MID1: variants seen among roughly 807,000 people sequenced by gnomAD.
MID1 encodes the protein E3 ubiquitin-protein ligase Midline-1.
MID1 carries 7 observed loss-of-function variants against 40.4 expected under a neutral mutation model. The ratio of observed to expected loss-of-function variants is 0.17; its 90% CI spans 0.10 to 0.33. The LOEUF is 0.33. MID1 is among the 10% of genes least tolerant of loss of function. MID1 has a pLI of 1.00. For synonymous variants in MID1, 229 were observed against 221.2 expected (o/e 1.04, Z -0.31); for missense variants, 367 against 558.5 (o/e 0.66, Z 3.46).
At chrX:10,526,859 G>A (rs1932844432) in intron 2 of MID1, among the ~76,000 whole-genome samples, 1 of 111,558 alleles carries the variant, frequency 9.0e-6, no homozygotes, top group African/African-American at 3.3e-5. Flanking sequence ...AATTAAGCTG[G>A]GAGAGAGACT....
At chrX:10,670,738 T>A (rs182837983) in intron 1 of MID1, among the ~76,000 whole-genome samples, 1 of 112,345 alleles carries the variant, frequency 8.9e-6, no homozygotes, top group Non-Finnish European at 1.9e-5. Context: ...TGCCATTATT[T>A]TATAGTGTTG....
chrX:10,762,106 T>C (rs1230593241), intron 1 of MID1, among the ~76,000 whole-genome samples: 2 of 112,008 alleles, frequency 1.8e-5, no homozygotes, highest in Non-Finnish European at 3.8e-5. Context: ...GGATAAAGTA[T>C]GTGATCTACC....
chrX:10,823,121 AC>A (rs1455200046), intron 1 of MID1, among the ~76,000 whole-genome samples: 4 of 112,044 alleles, frequency 3.6e-5, no homozygotes, highest in Non-Finnish European at 5.6e-5. Flanking sequence ...GTGCATATAC[AC>A]CATGGAATAC....
intron 1 of MID1, among the ~76,000 whole-genome samples, chrX:10,721,931 A>C (rs769219057): frequency 6.3e-5 from 7 of 110,775 alleles, no homozygotes; most frequent in Non-Finnish European, 9.4e-5. Context: ...AGAAAGAAGA[A>C]GACGACCTTC....
intron 1 of MID1, among the ~76,000 whole-genome samples, chrX:10,754,856 T>G (rs1022424799): frequency 8.9e-6 from 1 of 112,294 alleles, no homozygotes; most frequent in Non-Finnish European, 1.9e-5. Flanking sequence ...ATTCTTATTT[T>G]TATTGTTTTG....
chrX:10,488,219 A>G (rs1930729214), intron 4 of MID1, among the ~76,000 whole-genome samples: 1 of 110,971 alleles, frequency 9.0e-6, no homozygotes, highest in African/African-American at 3.3e-5. Flanking sequence ...CTGAGCTCAA[A>G]GCAATCCACC....
Position 10,697,739 on chromosome X carries a change from G to A in MID1, c.-186-77320C>T, listed in dbSNP as rs1024358345. 4.2e-4 allele frequency among the ~76,000 whole-genome samples: 47 copies of A among 111,563 alleles called. 1 individual carries two copies. The highest frequency in any genetic ancestry group is 1.4e-3 in the African/African-American group (43 of 30,649). On this transcript the variant is annotated intron_variant, in intron 1 of 10. Transcript: ENST00000380785. ...GTTGGGCAGCAGGGGGTGGCTGTGT[G>A]CTGACATGTGGTGTATGGTGATTGA...
At chrX:10,548,673 G>A (rs1933792458) in intron 2 of MID1, among the ~76,000 whole-genome samples, 2 of 111,681 alleles carry the variant, frequency 1.8e-5, no homozygotes, top group Admixed American at 9.5e-5. Context: ...ATTTTTATGA[G>A]TGTACTTTGG....
rs189907615 is a variant in MID1, at chrX:10,453,695, C to T, written c.1655+1175G>A. Among the ~76,000 whole-genome samples, 38 of 111,854 alleles carry T rather than the reference C, an allele frequency of 3.4e-4. No individual in the cohort carries two copies. The East Asian group carries it at 9.6e-3, about 28-fold the overall frequency. ...TGCTTTCCCACTACAACAGAAGAGTCGAGTATTAGTGACAAAAATCATTTG... is the reference window on the plus strand; with the variant it reads ...TGCTTTCCCACTACAACAGAAGAGTTGAGTATTAGTGACAAAAATCATTTG... On this transcript the variant is annotated intron_variant, in intron 9 of 9. Transcript: ENST00000317552.
At chrX:10,464,115 G>A (rs1017152137) in intron 7 of MID1, among the ~76,000 whole-genome samples, 1 of 111,660 alleles carries the variant, frequency 9.0e-6, no homozygotes, top group Admixed American at 9.5e-5. Context: ...GCATCTATGC[G>A]TTAAAGGCTG....
intron 1 of MID1, among the ~76,000 whole-genome samples, chrX:10,655,966 G>A (rs1406119432): frequency 9.0e-6 from 1 of 111,430 alleles, no homozygotes; most frequent in Non-Finnish European, 1.9e-5. Context: ...GCTAATTGCT[G>A]ACCCACAGAA....
chrX:10,446,659 G>A lies in MID1; in HGVS notation c.*2709C>T, dbSNP rs1216549073. Reference sequence around the variant, plus strand: ...TTTCTGAGTTCTTTTATGAGCACTCGCTATGTAATTTGCAAGGCCCAGTGC... The same window carrying A: ...TTTCTGAGTTCTTTTATGAGCACTCACTATGTAATTTGCAAGGCCCAGTGC... On this transcript the variant is annotated 3_prime_UTR_variant, in exon 10 of 10. Coordinates refer to ENST00000317552, the MANE Select transcript of MID1 (RefSeq NM_000381.4). The A allele has an allele frequency of 8.9e-6, 1 of 111,936 alleles. No individual in the cohort carries two copies. Among genetic ancestry groups the A allele is most frequent in the Non-Finnish European group, 1.9e-5 (1 of 53,229 alleles). The allele number at this position is 111,936 out of a possible 1,213,427, so 9.2% of individuals were successfully genotyped here.
At chrX:10,629,367 T>A (rs2147554452) in intron 1 of MID1, among the ~76,000 whole-genome samples, 1 of 110,426 alleles carries the variant, frequency 9.1e-6, no homozygotes, top group South Asian at 4.0e-4. Context: ...CTGGCTATTT[T>A]TTTTTTCTTT....
At chrX:10,492,111 G>T (rs777693066) in intron 4 of MID1, among the ~76,000 whole-genome samples, 3 of 110,195 alleles carry the variant, frequency 2.7e-5, no homozygotes, top group African/African-American at 9.9e-5. Flanking sequence ...TTCTTTTGTG[G>T]CTTCACTTTT....
intron 6 of MID1, among the ~76,000 whole-genome samples, chrX:10,472,825 AAAG>A (rs1436449528): frequency 1.8e-5 from 2 of 111,995 alleles, no homozygotes; most frequent in Non-Finnish European, 3.8e-5. Context: ...GAGGAGGAAA[AAAG>A]AAAGAGCCTG....
chrX:10,676,414 C>T (rs2043023565), intron 1 of MID1, among the ~76,000 whole-genome samples: 1 of 111,829 alleles, frequency 8.9e-6, no homozygotes, highest in Non-Finnish European at 1.9e-5. Flanking sequence ...TCCCTCCCTT[C>T]TGACCCCTGC....
intron 1 of MID1, chrX:10,589,700 C>T (rs1935235344): frequency 9.0e-6 from 1 of 110,859 alleles, no homozygotes; most frequent in African/African-American, 3.3e-5. Context: ...CCCACCTGGG[C>T]AAATGCCTAC....
intron 1 of MID1, among the ~76,000 whole-genome samples, chrX:10,662,961 A>G (rs2042925666): frequency 8.9e-6 from 1 of 112,125 alleles, no homozygotes; most frequent in Non-Finnish European, 1.9e-5. Context: ...TGTCTTGTAT[A>G]ATATCTGAAA....
intron 1 of MID1, among the ~76,000 whole-genome samples, chrX:10,699,914 C>T (rs763389630): frequency 4.6e-5 from 5 of 109,225 alleles, no homozygotes; most frequent in Admixed American, 2.0e-4. Context: ...CCTCCGCCTC[C>T]TGGGTTCAAG....
Sources: gnomAD v4.1 joint callset for allele counts (sites outside exome capture counted in the v4.1 genomes callset) on GRCh38, gnomAD v4.1.1 for gene constraint, MANE v1.5 for transcripts, NCBI Gene and HGNC (gene_info 2026-07-23, HGNC 2026-07-21) for gene names.